ICA1: variants seen among roughly 807,000 people sequenced by gnomAD.
ICA1 encodes islet cell autoantigen 1, also known as 69 kDa islet cell autoantigen.
A neutral mutation model predicts 71.0 loss-of-function variants in ICA1; 40 were observed. The ratio of observed to expected loss-of-function variants is 0.56; its 90% CI spans 0.44 to 0.73. The LOEUF (loss-of-function observed/expected upper bound fraction) is 0.73. ICA1 is among the 30% of genes least tolerant of loss of function. The pLI, the probability that ICA1 is intolerant of heterozygous loss-of-function variation, is 0.00. For synonymous variants in ICA1, 207 were observed against 209.5 expected (o/e 0.99, Z 0.10); for missense variants, 578 against 576.5 (o/e 1.00, Z -0.03).
Position 8,234,263 on chromosome 7 carries a change from T to C in ICA1, c.18-1508A>G, listed in dbSNP as rs889082016. ...AAAAAGAGAAAAGAAACAAAAGTAATTGAAAATGAAATGGAATTGTGTAAA... is the reference window on the plus strand; with the variant it reads ...AAAAAGAGAAAAGAAACAAAAGTAACTGAAAATGAAATGGAATTGTGTAAA... On this transcript the variant is annotated intron_variant, in intron 2 of 13. Transcript: ENST00000402384. This position sits in a 1 kb window ranked among gnomAD's most constrained non-coding sequence, Gnocchi z 4.5. Among the ~76,000 whole-genome samples, 72 of 152,064 alleles carry C rather than the reference T, an allele frequency of 4.7e-4. No individual in the cohort carries two copies. Among genetic ancestry groups the C allele is most frequent in the African/African-American group, 1.6e-3 (65 of 41,398 alleles).
chr7:8,174,048 G>C (rs546350868), intron 6 of ICA1, among the ~76,000 whole-genome samples: 60 of 152,286 alleles, frequency 3.9e-4, no homozygotes, highest in African/African-American at 1.4e-3. Context: ...GACTTTCTGA[G>C]AAGGTGATAT....
intron 12 of ICA1, among the ~76,000 whole-genome samples, chr7:8,136,973 G>GA (rs1278699770): frequency 5.3e-5 from 8 of 151,422 alleles, no homozygotes; most frequent in Non-Finnish European, 7.4e-5. Flanking sequence ...TTAATTCTGT[G>GA]AAAAAATGCA....
At chr7:8,147,053 A>G (rs908892620) in intron 8 of ICA1, among the ~76,000 whole-genome samples, 4 of 151,710 alleles carry the variant, frequency 2.6e-5, no homozygotes, top group African/African-American at 7.3e-5. Flanking sequence ...GGTTTGCTCA[A>G]TTATCTTCTC....
chr7:8,129,622 G>A (rs1584311777), intron 12 of ICA1, among the ~76,000 whole-genome samples: 1 of 152,204 alleles, frequency 6.6e-6, no homozygotes, highest in South Asian at 2.1e-4. Context: ...TTCTCACTAA[G>A]AGCTAGCCTG....
At chr7:8,146,742 CGTGTGTGT>C (rs111464131) in intron 8 of ICA1, among the ~76,000 whole-genome samples, 50 of 143,772 alleles carry the variant, frequency 3.5e-4, no homozygotes, top group African/African-American at 1.2e-3. Context: ...TGTGCGTGTG[CGTGTGTGT>C]GTGTGTGTGT....
rs112240768 is a variant in ICA1 at position 8,248,909 on chromosome 7, T to C, written c.-79-12904A>G. Among the ~76,000 whole-genome samples the C allele has an allele frequency of 8.8e-3, 1,348 of 152,336 alleles. 28 individuals are homozygous for C. The highest frequency in any genetic ancestry group is 0.031 in the African/African-American group (1,293 of 41,560). Reference sequence around the variant, plus strand: ...ATCTGTTCATATTCTATCATCACTGTGTTAGAGTCACTACCTTGTCAACTG... The same window carrying C: ...ATCTGTTCATATTCTATCATCACTGCGTTAGAGTCACTACCTTGTCAACTG... On this transcript the variant is annotated intron_variant, in intron 1 of 13. Transcript: ENST00000402384.
rs1313074740 is a variant in ICA1, at chr7:8,152,785, T to TCACCTCTTCCACCACTAC, written c.804+4330_804+4331insGTAGTGGTGGAAGAGGTG. ...ACCACTACCCCCACCACTATCACCATCACCATCACCTCCACCACCACCACC... is the reference window on the plus strand; with the variant it reads ...ACCACTACCCCCACCACTATCACCATCACCTCTTCCACCACTACCACCATCACCTCCACCACCACCACC... On this transcript the variant is annotated intron_variant, in intron 8 of 13. Coordinates refer to ENST00000402384, the MANE Select transcript of ICA1 (RefSeq NM_001136020.3). 6.1e-5 allele frequency among the ~76,000 whole-genome samples: 5 copies of TCACCTCTTCCACCACTAC among 81,598 alleles called. No individual in the cohort carries two copies. The South Asian group carries it at 1.3e-3, about 21-fold the overall frequency. The allele number at this position is 81,598 out of a possible 152,430, so 53.5% of individuals were successfully genotyped here. A position where few individuals can be genotyped will look rare whatever the true frequency, so the allele number is the denominator to read the frequency against.
intron 13 of ICA1, among the ~76,000 whole-genome samples, chr7:8,114,700 G>A (rs1191826810): frequency 6.6e-6 from 1 of 152,280 alleles, no homozygotes; most frequent in South Asian, 2.1e-4. Flanking sequence ...CTAACTTCCT[G>A]AATACCACGA....
At chr7:8,221,468 A>G in intron 4 of ICA1, 70 bp from the exon 5 acceptor site, 2 of 1,552,098 alleles carry the variant, frequency 1.3e-6, no homozygotes, top group Non-Finnish European at 1.8e-6. Flanking sequence ...CAAGAAAGAC[A>G]AATCACAAGG....
chr7:8,228,558 T>A (rs541501404), intron 4 of ICA1, 43 bp downstream of exon 4: 1 of 1,220,026 alleles, frequency 8.2e-7, no homozygotes, highest in East Asian at 2.5e-5. Flanking sequence ...TACCCTGCTA[T>A]TTCTTACTAT....
At chr7:8,187,167 A>C (rs12702703) in intron 6 of ICA1, among the ~76,000 whole-genome samples, 78,096 of 152,116 alleles carry the variant, frequency 0.51, 24,654 homozygotes, top group South Asian at 0.72. Context: ...TACTTAAATA[A>C]ACCTAGACGA....
Position 8,128,098 on chromosome 7 carries a change from C to T in ICA1, c.1105G>A (p.Asp369Asn), listed in dbSNP as rs1357424526. 4.3e-6 allele frequency: 7 copies of T among 1,614,094 alleles called. No homozygotes were observed. The highest frequency in any genetic ancestry group is 3.3e-4 in the Middle Eastern group (2 of 6,084). The change falls in exon 13 of 14, where the codon GAC (aspartate) becomes AAC (asparagine). Residue 369 changes from aspartate to asparagine, a missense_variant. Asp to Asn is a conservative substitution (Grantham distance 23). Coordinates refer to ENST00000402384, the MANE Select transcript of ICA1 (RefSeq NM_001136020.3). Reference protein sequence around the residue: ...VAGTPEPEGADKDDLLLLSEI... With the variant: ...VAGTPEPEGANKDDLLLLSEI... ...CTCAACAGCAGCAGGTCATCTTTGT[C>T]AGCACCTTCAGGTTCCGGGGTCCCT...
At chr7:8,141,669 A>C in intron 10 of ICA1, 96 bp downstream of exon 10, 1 of 716,140 alleles carries the variant, frequency 1.4e-6, no homozygotes. Context: ...AAAAAGAAGA[A>C]AGGCCTAGGA....
chr7:8,230,907 T>C lies in ICA1; in HGVS notation c.183+1683A>G, dbSNP rs551192347. On this transcript the variant is annotated intron_variant, in intron 3 of 13. Transcript: ENST00000402384. ...CATACCCTTATTCAGTTGGTACTTA[T>C]TGAATGTGTATTCTATGTGTGGCTG... is the stretch of plus-strand genomic sequence containing the variant. Among the ~76,000 whole-genome samples, 41 of 152,320 alleles carry C rather than the reference T, an allele frequency of 2.7e-4. No individual in the cohort carries two copies. The South Asian group carries it at 3.9e-3, about 15-fold the overall frequency.
At chr7:8,115,763 A>C (rs1784597700) in intron 13 of ICA1, among the ~76,000 whole-genome samples, 1 of 152,268 alleles carries the variant, frequency 6.6e-6, no homozygotes, top group Non-Finnish European at 1.5e-5. Flanking sequence ...AACACAGATG[A>C]TATCTTCAGT....
intron 6 of ICA1, among the ~76,000 whole-genome samples, chr7:8,206,756 G>C (rs949737498): frequency 7.7e-6 from 1 of 130,216 alleles, no homozygotes; most frequent in African/African-American, 3.4e-5. Flanking sequence ...AAAAAAAAAA[G>C]AAAGAGAACA....
chr7:8,126,537 T>TA (rs1349034098), intron 13 of ICA1, among the ~76,000 whole-genome samples: 2 of 151,688 alleles, frequency 1.3e-5, no homozygotes, highest in Non-Finnish European at 2.9e-5. Flanking sequence ...TGTATTTCAT[T>TA]TAAAAAAAAA....
chr7:8,126,320 A>G (rs777211927), intron 13 of ICA1, among the ~76,000 whole-genome samples: 1 of 151,986 alleles, frequency 6.6e-6, no homozygotes, highest in Non-Finnish European at 1.5e-5. Context: ...TAGCACCTCC[A>G]CCACAGGTGG....
chr7:8,135,753 T>A (rs1044742654), intron 12 of ICA1, among the ~76,000 whole-genome samples: 2 of 152,186 alleles, frequency 1.3e-5, no homozygotes, highest in African/African-American at 4.8e-5. Context: ...GAGATAAACA[T>A]TTTATTTAGA....
Sources: gnomAD v4.1 joint callset for allele counts (sites outside exome capture counted in the v4.1 genomes callset) on GRCh38, gnomAD v4.1.1 for gene constraint, Gnocchi (gnomAD v3.1) non-coding constraint, MANE v1.5 for transcripts, NCBI Gene and HGNC (gene_info 2026-07-23, HGNC 2026-07-21) for gene names.